Variants in CBFA2T3 observed in about 807,000 individuals in gnomAD.
CBFA2T3 encodes the protein CBFA2/RUNX1 partner transcriptional co-repressor 3.
Under a neutral mutation model 58.6 loss-of-function variants are expected in CBFA2T3, and 31 were observed. The ratio of observed to expected loss-of-function variants is 0.53; its 90% CI spans 0.40 to 0.71. The LOEUF is 0.71. Ranked by LOEUF, CBFA2T3 falls within the 30% of genes least tolerant of loss-of-function variation. The pLI is 0.00. For missense variants in CBFA2T3, 1,076 were observed against 963.1 expected, an observed-to-expected ratio of 1.12 and a Z score of -1.55; for synonymous variants, 531 against 421.9, an observed-to-expected ratio of 1.26 and a Z score of -3.17.
chr16:88,900,255 G>T (rs1464077260), intron 2 of CBFA2T3, among the ~76,000 whole-genome samples: 2 of 152,250 alleles, frequency 1.3e-5, no homozygotes, highest in Admixed American at 6.5e-5. Flanking sequence ...GGCACACCTG[G>T]GGGCACCCCA....
chr16:88,925,559 A>AAG (rs879284179), intron 1 of CBFA2T3, among the ~76,000 whole-genome samples: 21,586 of 152,138 alleles, frequency 0.14, 3,596 homozygotes, highest in African/African-American at 0.41. Flanking sequence ...CAGGCGGGAC[A>AAG]GGCAGTCACT....
intron 2 of CBFA2T3, among the ~76,000 whole-genome samples, chr16:88,900,595 A>C (rs542012288): frequency 6.6e-6 from 1 of 152,094 alleles, no homozygotes; most frequent in Non-Finnish European, 1.5e-5. Flanking sequence ...GCTTCGTTTG[A>C]GTTTCAGAGC....
At position 88,891,875 on chromosome 16, in the gene CBFA2T3, G is replaced by A. The variant is rs544527020; in HGVS notation, c.711+7C>T. On this transcript the variant is annotated splice_region_variant and intron_variant, in intron 5 of 11. Coordinates refer to ENST00000268679, the MANE Select transcript of CBFA2T3 (RefSeq NM_005187.6). ...TCCCGCAGCACGGGGGACGGGTTTCGCATTACCTTCAGGAAGGGAATGACA... is the reference window on the plus strand; with the variant it reads ...TCCCGCAGCACGGGGGACGGGTTTCACATTACCTTCAGGAAGGGAATGACA... 2.4e-5 allele frequency: 39 copies of A among 1,601,998 alleles called. No homozygotes were observed. The highest frequency in any genetic ancestry group is 3.0e-5 in the Non-Finnish European group (35 of 1,170,266).
At chr16:88,880,174 C>G (rs1292423767) in intron 10 of CBFA2T3, 1 of 156,752 alleles carries the variant, frequency 6.4e-6, no homozygotes, top group African/African-American at 2.4e-5. Flanking sequence ...TGTTTCAACT[C>G]CACCACTGAA....
intron 1 of CBFA2T3, chr16:88,950,199 C>A (rs1026077954): frequency 4.4e-6 from 2 of 456,898 alleles, no homozygotes; most frequent in African/African-American, 4.0e-5. Flanking sequence ...GGTCTGTTCA[C>A]CCCTCCCCTG....
At chr16:88,911,613 G>A (rs1366417150) in intron 1 of CBFA2T3, among the ~76,000 whole-genome samples, 1 of 152,240 alleles carries the variant, frequency 6.6e-6, no homozygotes, top group African/African-American at 2.4e-5. Flanking sequence ...CTGTAAAATG[G>A]GAATGGGGAT....
chr16:88,954,368 GCTCCTGACCCCACCCAAGA>G (rs1567632783), intron 1 of CBFA2T3, among the ~76,000 whole-genome samples: 516 of 140,566 alleles, frequency 3.7e-3, no homozygotes, highest in African/African-American at 5.6e-3. Flanking sequence ...CTCACCCAAG[GCTCCTGACCCCACCCAAGA>G]CTCCTGACCC....
chr16:88,907,413 C>T (rs572341873), intron 1 of CBFA2T3, among the ~76,000 whole-genome samples: 1 of 152,244 alleles, frequency 6.6e-6, no homozygotes. Context: ...TCCCTATGGC[C>T]CTGGCTCAGA....
intron 1 of CBFA2T3, among the ~76,000 whole-genome samples, chr16:88,952,656 C>T (rs928375444): frequency 6.6e-6 from 1 of 152,180 alleles, no homozygotes; most frequent in Non-Finnish European, 1.5e-5. Flanking sequence ...ACATTCTGCC[C>T]ACAAACTCCT....
intron 1 of CBFA2T3, among the ~76,000 whole-genome samples, chr16:88,927,341 C>T (rs750578818): frequency 1.3e-5 from 2 of 152,234 alleles, no homozygotes; most frequent in Non-Finnish European, 2.9e-5. Flanking sequence ...GCCGCTGGGC[C>T]CCATCTGTGG....
At chr16:88,963,879 C>T (rs534801974) in intron 1 of CBFA2T3, among the ~76,000 whole-genome samples, 3 of 152,342 alleles carry the variant, frequency 2.0e-5, no homozygotes, top group South Asian at 2.1e-4. Context: ...CCTGGCCACA[C>T]GGGCGTGGGT....
chr16:88,932,758 G>C lies in CBFA2T3; in HGVS notation c.152-31102C>G, dbSNP rs569436883. Among the ~76,000 whole-genome samples, 590 of 125,326 alleles carry C rather than the reference G, an allele frequency of 4.7e-3. 4 individuals are homozygous for C. Among genetic ancestry groups the C allele is most frequent in the African/African-American group, 0.017 (552 of 32,474 alleles). The allele number at this position is 125,326 out of a possible 152,430, so 82.2% of individuals were successfully genotyped here. ...AGGTCAGGAGTTCGAGACCAGCCTG[G>C]CCAACATGGCAAACCCGTCTCTACT... On this transcript the variant is annotated intron_variant, in intron 1 of 11. Coordinates refer to ENST00000268679, the MANE Select transcript of CBFA2T3 (RefSeq NM_005187.6).
At chr16:88,910,094 C>G (rs1396182836) in intron 1 of CBFA2T3, among the ~76,000 whole-genome samples, 8 of 152,238 alleles carry the variant, frequency 5.3e-5, no homozygotes, top group African/African-American at 1.7e-4. Context: ...TCCCCTCTGG[C>G]CTAACCACAC....
chr16:88,881,169 C>T (rs1458216969), intron 9 of CBFA2T3, 122 bp downstream of exon 9: 2 of 918,252 alleles, frequency 2.2e-6, no homozygotes, highest in South Asian at 1.4e-5. Flanking sequence ...AAAAAGGTGC[C>T]TCTTTCTCAA....
intron 1 of CBFA2T3, chr16:88,951,605 C>T (rs572556575): frequency 5.0e-5 from 18 of 363,140 alleles, no homozygotes; most frequent in East Asian, 3.6e-4. Context: ...AGCTCCAGCT[C>T]GGGTCACAGA....
intron 3 of CBFA2T3, among the ~76,000 whole-genome samples, chr16:88,892,761 G>A (rs141523677): frequency 2.4e-4 from 37 of 152,294 alleles, no homozygotes; most frequent in African/African-American, 8.2e-4. Context: ...TGGATTCCCA[G>A]GGAGGTGAAG....
intron 2 of CBFA2T3, among the ~76,000 whole-genome samples, chr16:88,899,878 G>A (rs915842768): frequency 3.3e-5 from 5 of 152,272 alleles, no homozygotes; most frequent in South Asian, 2.1e-4. Flanking sequence ...ACACAGCAGC[G>A]GTCTCCCTCT....
chr16:88,923,654 G>A, intron 1 of CBFA2T3, among the ~76,000 whole-genome samples: 1 of 152,224 alleles, frequency 6.6e-6, no homozygotes, highest in East Asian at 1.9e-4. Flanking sequence ...ACAGCTCGGG[G>A]AGGGAGGCCA....
At chr16:88,964,991 T>A (rs530248619) in intron 1 of CBFA2T3, among the ~76,000 whole-genome samples, 1 of 150,038 alleles carries the variant, frequency 6.7e-6, no homozygotes, top group Non-Finnish European at 1.5e-5. Flanking sequence ...CCACCCACCA[T>A]CTATTTATCC....
Sources: allele counts gnomAD v4.1 joint callset (sites outside exome capture counted in the v4.1 genomes callset), GRCh38; gene constraint gnomAD v4.1.1; transcripts MANE v1.5; gene names NCBI Gene and HGNC (gene_info 2026-07-23, HGNC 2026-07-21).